The following CABP2 variants were observed in gnomAD, a reference collection of about 807,000 sequenced individuals.
CABP2 encodes calcium-binding protein 2.
Under a neutral mutation model 28.6 loss-of-function variants are expected in CABP2, and 25 were observed. The observed-to-expected ratio is 0.87, with a 90% CI of 0.64 to 1.22. CABP2 has a LOEUF of 1.22. Among genes scored for constraint, CABP2 ranks in the 50% most tolerant of loss-of-function variants. CABP2 has a pLI of 0.00. For synonymous variants in CABP2, 138 were observed against 126.0 expected (o/e 1.09, Z -0.64); for missense variants, 310 against 312.2 (o/e 0.99, Z 0.05).
chr11:67,520,620 T>C (rs566454528), intron 4 of CABP2, among the ~76,000 whole-genome samples: 39 of 152,130 alleles, frequency 2.6e-4, no homozygotes, highest in Non-Finnish European at 4.6e-4. Flanking sequence ...ATAGCGCCAT[T>C]GTCACTCCTG....
At position 67,519,197 on chromosome 11, in the gene CABP2, T is replaced by C. The variant is rs73506069; in HGVS notation, c.638-33A>G. 8.1e-3 allele frequency: 13,139 copies of C among 1,613,232 alleles called. 754 individuals are homozygous for C. In the African/African-American group the frequency reaches 0.14, roughly 17 times the overall value. On this transcript the variant is annotated intron_variant, in intron 6 of 6. Coordinates refer to ENST00000294288, the MANE Select transcript of CABP2 (RefSeq NM_016366.3). ...GACGAAGCCAAGGTTTTGGGTCTGT[T>C]CTCTGGACTGCGCTAGGAGTGAGGA... is the stretch of plus-strand genomic sequence containing the variant.
intron 1 of CABP2, among the ~76,000 whole-genome samples, chr11:67,523,009 A>T (rs1866772361): frequency 6.6e-6 from 1 of 152,186 alleles, no homozygotes; most frequent in Admixed American, 6.5e-5. Flanking sequence ...TGTCTCCTAG[A>T]TGGAGGCTGG....
Position 67,519,147 on chromosome 11 carries a change from A to G in CABP2, c.655T>C (p.Ser219Pro), listed in dbSNP as rs779763223. The G allele has an allele frequency of 6.2e-7, 1 of 1,614,034 alleles. No individual in the cohort carries two copies. The highest frequency in any genetic ancestry group is 1.7e-5 in the Admixed American group (1 of 60,026). Residue 219 changes from serine (S) to proline (P), a missense_variant, in exon 7 of 7, where the codon TCT becomes CCT. Transcript: ENST00000294288. ...VDFEEFVRMM[S>P]R ...CCAGCTTCTGTACAGGCTCACCGAG[A>G]CATCATTCGCACAAACTCTGCCAGG...
chr11:67,522,838 G>T (rs906066047), intron 1 of CABP2, 122 bp from the exon 2 acceptor site: 3 of 886,962 alleles, frequency 3.4e-6, no homozygotes, highest in Non-Finnish European at 3.3e-6. Flanking sequence ...GTAGGGAAGG[G>T]GCTGGGGGGT....
rs369237984 is a variant in CABP2, at chr11:67,519,209, G to T, written c.638-45C>A. 5 of 1,609,216 alleles carry T rather than the reference G, an allele frequency of 3.1e-6. No homozygotes were observed. In the African/African-American group the frequency reaches 4.0e-5, roughly 13 times the overall value. On this transcript the variant is annotated intron_variant, in intron 6 of 6. Transcript: ENST00000294288. ...GTTTTGGGTCTGTTCTCTGGACTGC[G>T]CTAGGAGTGAGGATCATCTGCAGGC...
At chr11:67,523,185 C>G in intron 1 of CABP2, 100 bp downstream of exon 1, 2 of 972,926 alleles carry the variant, frequency 2.1e-6, no homozygotes, top group South Asian at 3.0e-5. Flanking sequence ...GTGGGCAGCC[C>G]CCAACCCCGC....
chr11:67,521,101 C>T lies in CABP2; in HGVS notation c.303G>A (p.Arg101=). Residue 101 remains arginine (R), a synonymous_variant, in exon 4 of 7, where the codon CGG becomes CGA. Transcript: ENST00000294288. ...GGGTCCGCATGCAGGCACCCAGCTC[C>T]CGGCAGCCAATGTAGCCGTCCCGGT... ...DRDRDGYIGC[R]ELGACMRTLG... The T allele has an allele frequency of 6.2e-7, 1 of 1,613,814 alleles. No individual in the cohort carries two copies. The highest frequency in any genetic ancestry group is 8.5e-7 in the Non-Finnish European group (1 of 1,179,964).
In CABP2 at chr11:67,522,662, A is replaced by G; in HGVS notation, c.97T>C (p.Ser33Pro). 1 of 1,538,712 alleles carries G rather than the reference A, an allele frequency of 6.5e-7. No individual in the cohort carries two copies. Among genetic ancestry groups the G allele is most frequent in the Non-Finnish European group, 8.8e-7 (1 of 1,139,864 alleles). Residue 33 changes from serine to proline, a missense_variant, in exon 2 of 7, where the codon TCC becomes CCC. Transcript: ENST00000294288. ...PPRGSCPSPS[S>P]SPKEQGDPAP... ...GGGTCCCCCTGCTCCTTGGGGCTGG[A>G]GCTGGGGCTGGGGCAGGAGCCCCTT...
At chr11:67,521,878 A>AG in intron 3 of CABP2, 74 bp downstream of exon 3, 1 of 139,676 alleles carries the variant, frequency 7.2e-6, no homozygotes, top group East Asian at 1.3e-4. Context: ...ATGCCCCCCC[A>AG]ACCCTGTGTC....
Position 67,521,130 on chromosome 11 carries a change from G to T in CABP2, c.274C>A (p.Arg92=), listed in dbSNP as rs761766884. ...CAGCCAATGTAGCCGTCCCGGTCTC[G>T]GTCAAACTCCTGGAAGGCGACCTGC... The part of the protein sequence containing the change: ...ELQVAFQEFD[R]DRDGYIGCRE... Residue 92 remains arginine, a synonymous_variant, in exon 4 of 7, where the codon CGA becomes AGA. Coordinates refer to ENST00000294288, the MANE Select transcript of CABP2 (RefSeq NM_016366.3). 1.7e-5 allele frequency: 27 copies of T among 1,613,234 alleles called. No individual in the cohort carries two copies. The South Asian group carries it at 2.9e-4, about 17-fold the overall frequency.
In CABP2 at chr11:67,521,962, C is replaced by G; in HGVS notation, c.234G>C (p.Glu78Asp). Residue 78 changes from glutamate to aspartate, a missense_variant, in exon 3 of 7, where the codon GAG (glutamate) becomes GAC (aspartate). Glu to Asp is a conservative substitution (Grantham distance 45, BLOSUM62 2). Transcript: ENST00000294288. ...TCTCCAACCCTTTACCTTCAATCTC[C>G]TCGGGCCGCAGCTCCCGGTCCTGAA... Reference protein sequence around the residue: ...ATQLDRELRPEEIEELQVAFQ... With the variant: ...ATQLDRELRPDEIEELQVAFQ... 6.2e-7 allele frequency: 1 copy of G among 1,611,144 alleles called. No individual in the cohort carries two copies. The highest frequency in any genetic ancestry group is 8.5e-7 in the Non-Finnish European group (1 of 1,178,548).
chr11:67,520,163 G>A lies in CABP2; in HGVS notation c.380-3C>T. On this transcript the variant is annotated splice_polypyrimidine_tract_variant and splice_region_variant and intron_variant, in intron 4 of 6. Coordinates refer to ENST00000294288, the MANE Select transcript of CABP2 (RefSeq NM_016366.3). ...TTCAAAGTCCACCTTTCCGCCACCT[G>A]GGGGTCCCGTCCATTACAGACCCAG... The A allele has an allele frequency of 6.2e-7, 1 of 1,605,364 alleles. No homozygotes were observed. The highest frequency in any genetic ancestry group is 8.5e-7 in the Non-Finnish European group (1 of 1,172,394).
Position 67,519,071 on chromosome 11 carries a change from G to A in CABP2, c.*68C>T, listed in dbSNP as rs1866700653. The A allele has an allele frequency of 1.9e-6, 3 of 1,568,018 alleles. No individual in the cohort carries two copies. The highest frequency in any genetic ancestry group is 1.8e-6 in the Non-Finnish European group (2 of 1,138,418). On this transcript the variant is annotated 3_prime_UTR_variant, in exon 7 of 7. Transcript: ENST00000294288. ...CCCCGCTAGAGGCGATGGGCTTCAA[G>A]GAACATGCTGGTGGGCAGAGGCTGT...
In CABP2 at chr11:67,520,084, G is replaced by A. The variant is rs368278027; in HGVS notation, c.456C>T (p.Ile152=). ...AGGCGTCCCGTAGCTCCCGGACACC[G>A]ATCATGTCTGCCGTCTCTGCCAGCA... is the stretch of plus-strand genomic sequence containing the variant. ...PKLLAETADM[I]GVRELRDAFR... is the part of the protein sequence containing the mutation. The change falls in exon 5 of 7, where the codon ATC becomes ATT. Residue 152 remains isoleucine (I), a synonymous_variant. Transcript: ENST00000294288. The A allele has an allele frequency of 1.7e-5, 28 of 1,613,514 alleles. No individual in the cohort carries two copies. The highest frequency in any genetic ancestry group is 7.7e-5 in the South Asian group (7 of 91,082).
In CABP2 at chr11:67,522,537, C is replaced by T. The variant is rs368921133; in HGVS notation, c.213+9G>A. 381 of 1,553,404 alleles carry T rather than the reference C, an allele frequency of 2.5e-4. No individual in the cohort carries two copies. The highest frequency in any genetic ancestry group is 3.1e-4 in the Non-Finnish European group (352 of 1,148,198). ...GCAGGCAGGCTGGCGGGCGGGTGGC[C>T]GTACATACGAGTTGGGTGGCGGCAA... On this transcript the variant is annotated intron_variant, in intron 2 of 6. Coordinates refer to ENST00000294288, the MANE Select transcript of CABP2 (RefSeq NM_016366.3).
chr11:67,523,316 C>T lies in CABP2; in HGVS notation c.11G>A (p.Cys4Tyr). The T allele has an allele frequency of 1.3e-6, 2 of 1,555,028 alleles. No individual in the cohort carries two copies. The highest frequency in any genetic ancestry group is 8.7e-7 in the Non-Finnish European group (1 of 1,149,052). ...GCCCCGGCGCCAGGGCCGCTTGGCA[C>T]AGTTCCCCATGGGCCCTGAACCATG... Reference protein sequence around the residue: MGNCAKRPWRRGPK... With the variant: MGNYAKRPWRRGPK... The change falls in exon 1 of 7, where the codon TGT becomes TAT. Residue 4 changes from cysteine to tyrosine, a missense_variant. Coordinates refer to ENST00000294288, the MANE Select transcript of CABP2 (RefSeq NM_016366.3).
intron 3 of CABP2, 25 bp downstream of exon 3, chr11:67,521,927 A>C (rs1866753012): frequency 7.1e-7 from 1 of 1,407,468 alleles, no homozygotes; most frequent in African/African-American, 1.5e-5. Flanking sequence ...CCTTCAGGGA[A>C]CCAGTTCCTT....
intron 3 of CABP2, 24 bp downstream of exon 3, chr11:67,521,928 C>T (rs935768635): frequency 1.3e-6 from 2 of 1,570,686 alleles, no homozygotes; most frequent in East Asian, 2.3e-5. Context: ...CTTCAGGGAA[C>T]CAGTTCCTTC....
chr11:67,520,978 G>C, intron 4 of CABP2, 47 bp downstream of exon 4: 2 of 1,594,758 alleles, frequency 1.3e-6, no homozygotes, highest in Middle Eastern at 1.8e-4. Context: ...TGGGCCCAGC[G>C]GGGGCATCTG....
Sources: gnomAD v4.1 joint callset for allele counts (sites outside exome capture counted in the v4.1 genomes callset) on GRCh38, gnomAD v4.1.1 for gene constraint, MANE v1.5 for transcripts, NCBI Gene and HGNC (gene_info 2026-07-23, HGNC 2026-07-21) for gene names.